SLC16A7: variants seen among roughly 807,000 people sequenced by gnomAD.
The protein encoded by SLC16A7 is solute carrier family 16 member 7.
In SLC16A7, 33 loss-of-function variants were observed where a neutral mutation model predicts 34.9. The ratio of observed to expected loss-of-function variants is 0.94; its 90% CI spans 0.72 to 1.26. The LOEUF (loss-of-function observed/expected upper bound fraction) is 1.26. Ranked by LOEUF, SLC16A7 falls within the 50% of genes most tolerant of loss-of-function variation. The probability of loss-of-function intolerance (pLI) is 0.00; values close to 1 mark genes in which losing one functional copy is unlikely to be tolerated. For synonymous variants in SLC16A7, 201 were observed against 206.6 expected (o/e 0.97, Z 0.23); for missense variants, 573 against 578.1 (o/e 0.99, Z 0.09).
At chr12:59,778,956 A>C (rs886312518) in intron 5 of SLC16A7, among the ~76,000 whole-genome samples, 1 of 152,106 alleles carries the variant, frequency 6.6e-6, no homozygotes, top group Non-Finnish European at 1.5e-5. Flanking sequence ...GCACTTAGTA[A>C]ATATTAGACA....
intron 2 of SLC16A7, among the ~76,000 whole-genome samples, chr12:59,657,279 A>G (rs1868583948): frequency 6.6e-6 from 1 of 151,978 alleles, no homozygotes; most frequent in African/African-American, 2.4e-5. Flanking sequence ...CATGCTTTGA[A>G]ATACCTCTTC....
intron 1 of SLC16A7, among the ~76,000 whole-genome samples, chr12:59,609,051 C>A (rs992883742): frequency 6.6e-6 from 1 of 152,152 alleles, no homozygotes; most frequent in African/African-American, 2.4e-5. Context: ...GCTGAAAAAT[C>A]AATTCACAAA....
rs1883591565 is a variant in SLC16A7, at chr12:59,786,022, C to G, written c.*6343C>G. The stretch of plus-strand genomic sequence containing the variant: ...GACACAGGAAGGGGAACATCACACT[C>G]TGGGGACTGTGGTGGGGTCGGGGGA... On this transcript the variant is annotated 3_prime_UTR_variant, in exon 6 of 6. Coordinates refer to ENST00000547379, the MANE Select transcript of SLC16A7 (RefSeq NM_001270623.2). The G allele has an allele frequency of 8.6e-6, 1 of 116,078 alleles. No homozygotes were observed. The highest frequency in any genetic ancestry group is 1.2e-4 in the Admixed American group (1 of 8,062). 7.2% of individuals were successfully genotyped at this position (116,078 alleles called of 1,614,324 possible).
chr12:59,775,391 G>C lies in SLC16A7; in HGVS notation c.1096G>C (p.Val366Leu), dbSNP rs766022124. 2 of 1,613,970 alleles carry C rather than the reference G, an allele frequency of 1.2e-6. No individual in the cohort carries two copies. The highest frequency in any genetic ancestry group is 1.7e-6 in the Non-Finnish European group (2 of 1,179,982). ...TCTCTTTGAAACTCTCATGGACCTCGTGGGTGCACCAAGATTTTCCAGTGC... is the reference window on the plus strand; with the variant it reads ...TCTCTTTGAAACTCTCATGGACCTCCTGGGTGCACCAAGATTTTCCAGTGC... Reference protein sequence around the residue: ...SVLFETLMDLVGAPRFSSAVG... With the variant: ...SVLFETLMDLLGAPRFSSAVG... Residue 366 changes from valine to leucine, a missense_variant, in exon 5 of 6, where the codon GTG becomes CTG. Physicochemically the swap from Val to Leu is conservative, Grantham distance 32. Transcript: ENST00000547379.
In SLC16A7 at chr12:59,780,588, G is replaced by C. The variant is rs1405505209; in HGVS notation, c.*909G>C. On this transcript the variant is annotated 3_prime_UTR_variant, in exon 6 of 6. Transcript: ENST00000547379. ...GAGTCACATCCATTGATTTTACAGG[G>C]ATTTTAGTTCGTAATCCAGAAAGTA... is the stretch of plus-strand genomic sequence containing the variant. The C allele has an allele frequency of 6.6e-6, 1 of 152,028 alleles. No homozygotes were observed. Among genetic ancestry groups the C allele is most frequent in the African/African-American group, 2.4e-5 (1 of 41,406 alleles). 9.4% of individuals were successfully genotyped at this position (152,028 alleles called of 1,614,324 possible).
At chr12:59,753,849 C>T (rs1251776763) in intron 3 of SLC16A7, among the ~76,000 whole-genome samples, 1 of 152,064 alleles carries the variant, frequency 6.6e-6, no homozygotes, top group South Asian at 2.1e-4. Flanking sequence ...TGACCACATA[C>T]TTGGAAGTAA....
At position 59,648,487 on chromosome 12, in the gene SLC16A7, G is replaced by A. The variant is rs927552329; in HGVS notation, c.-129-6665G>A. Among the ~76,000 whole-genome samples the A allele has an allele frequency of 3.3e-5, 5 of 152,032 alleles. No homozygotes were observed. The East Asian group carries it at 9.7e-4, about 29-fold the overall frequency. On this transcript the variant is annotated intron_variant, in intron 1 of 5. Coordinates refer to ENST00000547379, the MANE Select transcript of SLC16A7 (RefSeq NM_001270623.2). The stretch of plus-strand genomic sequence containing the variant: ...ACATTTAAACCTTTTTTTTCTATGA[G>A]GAATAAATATTGTTGCCACTTTCTA...
intron 3 of SLC16A7, chr12:59,761,121 A>T: frequency 7.9e-7 from 1 of 1,263,902 alleles, no homozygotes; most frequent in Non-Finnish European, 1.0e-6. Flanking sequence ...ACTTGTGTTT[A>T]CAGGTAGAAT....
chr12:59,789,719 T>C lies in SLC16A7; in HGVS notation c.*10040T>C, dbSNP rs545159509. On this transcript the variant is annotated 3_prime_UTR_variant, in exon 6 of 6. Transcript: ENST00000547379. ...TTAGTTATTGTTTCTTACTTATCAC[T>C]AATTTTTACTGCAGGTCTGTGCTGT... 3.7e-4 allele frequency: 57 copies of C among 152,302 alleles called. No individual in the cohort carries two copies. Among genetic ancestry groups the C allele is most frequent in the African/African-American group, 1.3e-3 (53 of 41,576 alleles). The allele number at this position is 152,302 out of a possible 1,614,324, so 9.4% of individuals were successfully genotyped here. A position where few individuals can be genotyped will look rare whatever the true frequency, so the allele number is the denominator to read the frequency against.
Position 59,596,267 on chromosome 12 carries a change from A to C in SLC16A7, c.-130+31A>C, listed in dbSNP as rs1878388403. 1 of 152,782 alleles carries C rather than the reference A, an allele frequency of 6.5e-6. No homozygotes were observed. The highest frequency in any genetic ancestry group is 1.5e-5 in the Non-Finnish European group (1 of 68,518). 9.5% of individuals were successfully genotyped at this position (152,782 alleles called of 1,614,324 possible). On this transcript the variant is annotated intron_variant, in intron 1 of 5. Transcript: ENST00000547379. This position sits in a 1 kb window ranked among gnomAD's most constrained non-coding sequence, Gnocchi z 5.0. ...TACAGCTGGGGAGGGAGGGGAGAGG[A>C]GGAGGAGGAGGAGGAGGTGCCGGCT...
chr12:59,666,051 T>C (rs1265773687), intron 2 of SLC16A7, among the ~76,000 whole-genome samples: 1 of 152,146 alleles, frequency 6.6e-6, no homozygotes, highest in Non-Finnish European at 1.5e-5. Context: ...TTGATGATTT[T>C]ACAATTGGAG....
At chr12:59,679,847 G>T (rs1870607907) in intron 2 of SLC16A7, among the ~76,000 whole-genome samples, 1 of 152,140 alleles carries the variant, frequency 6.6e-6, no homozygotes, top group South Asian at 2.1e-4. Flanking sequence ...AATTAAGAAA[G>T]AAGCATAGTA....
intron 3 of SLC16A7, chr12:59,736,055 G>A (rs1877554031): frequency 3.1e-6 from 1 of 322,974 alleles, no homozygotes; most frequent in Admixed American, 3.9e-5. Flanking sequence ...GGATATAGTT[G>A]GTGAGACACC....
intron 2 of SLC16A7, among the ~76,000 whole-genome samples, chr12:59,679,462 G>A (rs563335563): frequency 6.6e-6 from 1 of 152,272 alleles, no homozygotes; most frequent in South Asian, 2.1e-4. Context: ...TATCCCAAGA[G>A]TTAATCTCAT....
chr12:59,680,297 A>G (rs1186195387), intron 2 of SLC16A7, among the ~76,000 whole-genome samples: 1 of 152,200 alleles, frequency 6.6e-6, no homozygotes, highest in Non-Finnish European at 1.5e-5. Context: ...ATCACAGAAG[A>G]TAGAGGACTT....
chr12:59,733,625 A>G, intron 3 of SLC16A7: 2 of 437,690 alleles, frequency 4.6e-6, no homozygotes, highest in South Asian at 1.6e-5. Flanking sequence ...AAAGGGCCAC[A>G]GCTCCTCTCT....
intron 3 of SLC16A7, among the ~76,000 whole-genome samples, chr12:59,743,875 C>T (rs537943572): frequency 4.0e-4 from 61 of 152,206 alleles, no homozygotes; most frequent in Non-Finnish European, 4.9e-4. Context: ...TTAACTTTTC[C>T]AAGCTTCCAT....
chr12:59,669,985 C>T lies in SLC16A7; in HGVS notation c.-31+14735C>T, dbSNP rs190907576. Among the ~76,000 whole-genome samples the T allele has an allele frequency of 1.1e-3, 169 of 152,234 alleles. 6 individuals are homozygous for T. In the South Asian group the frequency reaches 0.014, roughly 12 times the overall value. ...TTTCTAGGGCTGCCATAACAAAGTA[C>T]CATAAACTGGGTAATTGAAAACAAC... is the stretch of plus-strand genomic sequence containing the variant. On this transcript the variant is annotated intron_variant, in intron 2 of 5. Coordinates refer to ENST00000547379, the MANE Select transcript of SLC16A7 (RefSeq NM_001270623.2).
chr12:59,613,522 A>G (rs1428952243), intron 1 of SLC16A7, among the ~76,000 whole-genome samples: 2 of 152,198 alleles, frequency 1.3e-5, no homozygotes, highest in African/African-American at 4.8e-5. Flanking sequence ...ATAGTGTCTA[A>G]TAGTATTACA....
Sources: allele counts gnomAD v4.1 joint callset (sites outside exome capture counted in the v4.1 genomes callset), GRCh38; gene constraint gnomAD v4.1.1; non-coding constraint Gnocchi (gnomAD v3.1); transcripts MANE v1.5; gene names NCBI Gene and HGNC (gene_info 2026-07-23, HGNC 2026-07-21).